The following WIPF1 variants were observed in gnomAD, a reference collection of about 807,000 sequenced individuals.
The protein encoded by WIPF1 is WAS/WASL interacting protein family member 1, also known as WAS/WASL-interacting protein family member 1.
A neutral mutation model predicts 35.4 loss-of-function variants in WIPF1; 13 were observed. The ratio of observed to expected loss-of-function variants is 0.37; its 90% confidence interval spans 0.24 to 0.58. The LOEUF is 0.58. Ranked by LOEUF, WIPF1 falls within the 20% of genes least tolerant of loss-of-function variation. The pLI is 0.74. For synonymous variants in WIPF1, 267 were observed against 266.3 expected (o/e 1.00, Z -0.02); for missense variants, 591 against 667.0 (o/e 0.89, Z 1.25).
At position 174,649,999 on chromosome 2, in the gene WIPF1, T is replaced by G. The variant is rs560664279; in HGVS notation, c.-39+32775A>C. Among the ~76,000 whole-genome samples the G allele has an allele frequency of 3.9e-5, 6 of 152,310 alleles. No individual in the cohort carries two copies. In the East Asian group the frequency reaches 1.2e-3, roughly 29 times the overall value. On this transcript the variant is annotated intron_variant, in intron 1 of 8. Coordinates refer to the WIPF1 transcript ENST00000272746. ...TAAATAAATTCTAAATCACCCTTCT[T>G]TCTGAGTAGCCCCTCCAGTGTGTCA...
At chr2:174,563,609 T>A (rs1216770657) in intron 7 of WIPF1, among the ~76,000 whole-genome samples, 1 of 152,156 alleles carries the variant, frequency 6.6e-6, no homozygotes, top group Non-Finnish European at 1.5e-5. Flanking sequence ...TCATGGGCTA[T>A]CAGTCCACTG....
Position 174,656,705 on chromosome 2 carries a change from A to G in WIPF1, c.-39+26069T>C, listed in dbSNP as rs529028342. ...ATGGCCAACCTATCCCTGCTGTTCT[A>G]TTTCCTCTTACTTGCCAGCAGAGCA... On this transcript the variant is annotated intron_variant, in intron 1 of 8. Transcript: ENST00000272746. 5.3e-5 allele frequency among the ~76,000 whole-genome samples: 8 copies of G among 152,288 alleles called. No homozygotes were observed. In the South Asian group the frequency reaches 1.0e-3, roughly 20 times the overall value.
intron 1 of WIPF1, among the ~76,000 whole-genome samples, chr2:174,592,382 T>G (rs1251411160): frequency 6.6e-6 from 1 of 152,174 alleles, no homozygotes; most frequent in African/African-American, 2.4e-5. Context: ...TAAAGCATTT[T>G]GCTCTATAAA....
chr2:174,671,229 C>G (rs149582370), intron 1 of WIPF1, among the ~76,000 whole-genome samples: 1 of 152,190 alleles, frequency 6.6e-6, no homozygotes, highest in African/African-American at 2.4e-5. Flanking sequence ...TAATTTCTTA[C>G]GCCTGTCTTT....
At chr2:174,621,903 T>A (rs1421229426) in intron 1 of WIPF1, among the ~76,000 whole-genome samples, 1 of 152,170 alleles carries the variant, frequency 6.6e-6, no homozygotes, top group African/African-American at 2.4e-5. Context: ...ATGAACTTTT[T>A]TAACCCTTGA....
At chr2:174,599,421 T>C (rs1685921721), upstream of WIPF1, among the ~76,000 whole-genome samples, 1 of 152,214 alleles carries the variant, frequency 6.6e-6, no homozygotes, top group Non-Finnish European at 1.5e-5. Context: ...GCACAGTTCC[T>C]GGAGTGGAGT....
intron 1 of WIPF1, among the ~76,000 whole-genome samples, chr2:174,667,878 C>T (rs750410125): frequency 7.9e-5 from 12 of 152,296 alleles, no homozygotes; most frequent in Middle Eastern, 6.8e-3. Context: ...CTATAAACTC[C>T]GCTAGTTTGA....
chr2:174,681,307 C>T (rs905519142), intron 1 of WIPF1, among the ~76,000 whole-genome samples: 1 of 152,124 alleles, frequency 6.6e-6, no homozygotes, highest in African/African-American at 2.4e-5. Context: ...CCTCCAGGTC[C>T]CCGAGAAACT....
chr2:174,571,899 G>A lies in WIPF1; in HGVS notation c.906C>T (p.Ala302=), dbSNP rs776988354. 1.9e-6 allele frequency: 3 copies of A among 1,611,926 alleles called. No individual in the cohort carries two copies. The Admixed American group carries it at 5.0e-5, about 27-fold the overall frequency. Reference sequence around the variant, plus strand: ...GCGGCGGAGGTGGGGCCTGTGAGGAGGCCGAAGGCCGCGGAGTGGAAGGCA... The same window carrying A: ...GCGGCGGAGGTGGGGCCTGTGAGGAAGCCGAAGGCCGCGGAGTGGAAGGCA... The part of the protein sequence containing the change: ...PPVPSTPRPS[A]SSQAPPPPPP... The change falls in exon 5 of 8, where the codon GCC becomes GCT. Residue 302 remains alanine, a synonymous_variant. Coordinates refer to ENST00000679041, the MANE Select transcript of WIPF1 (RefSeq NM_001375834.1). This position sits in a 1 kb window ranked among gnomAD's most constrained non-coding sequence, Gnocchi z 4.6.
chr2:174,621,917 TTGTGGAA>T (rs1686687934), intron 1 of WIPF1, among the ~76,000 whole-genome samples: 1 of 152,064 alleles, frequency 6.6e-6, no homozygotes, highest in South Asian at 2.1e-4. Flanking sequence ...CCCTTGAAAT[TTGTGGAA>T]TTAAATTAAA....
In WIPF1 at chr2:174,633,326, T is replaced by C. The variant is rs111669349; in HGVS notation, c.-38-47715A>G. On this transcript the variant is annotated intron_variant, in intron 1 of 8. Coordinates refer to the WIPF1 transcript ENST00000272746. Reference sequence around the variant, plus strand: ...GTCCACGAGCCCCTCACCCCTTCGTTGTTTATCATACAGACACATTTTACA... The same window carrying C: ...GTCCACGAGCCCCTCACCCCTTCGTCGTTTATCATACAGACACATTTTACA... Among the ~76,000 whole-genome samples, 1,495 of 152,298 alleles carry C rather than the reference T, an allele frequency of 9.8e-3. 25 individuals are homozygous for C. The highest frequency in any genetic ancestry group is 0.035 in the African/African-American group (1,440 of 41,536).
intron 1 of WIPF1, among the ~76,000 whole-genome samples, chr2:174,681,654 C>T (rs1332648185): frequency 3.3e-5 from 5 of 152,128 alleles, no homozygotes. Context: ...CGACGGGAGT[C>T]TGGGGCTACA....
At chr2:174,567,293 G>T in intron 6 of WIPF1, 110 bp from the exon 7 acceptor site, 1 of 1,002,912 alleles carries the variant, frequency 1.0e-6, no homozygotes, top group Non-Finnish European at 1.5e-6. Flanking sequence ...ATCAGTGCTA[G>T]TTTTTATGCC....
rs754534456 is a variant in WIPF1, at chr2:174,572,423, A to G, written c.382T>C (p.Leu128=). Residue 128 remains leucine, a synonymous_variant, in exon 5 of 8, where the codon TTG becomes CTG. Transcript: ENST00000679041. ...DNDSGGSRPP[L]LPPGGRSTSA... ...GTGGATCTTCCTCCCGGTGGCAACA[A>G]TGGTGGTCGGCTTCCTCCAGAATCT... The G allele has an allele frequency of 3.1e-6, 5 of 1,614,022 alleles. No homozygotes were observed. The highest frequency in any genetic ancestry group is 3.4e-6 in the Non-Finnish European group (4 of 1,180,022).
At position 174,679,319 on chromosome 2, in the gene WIPF1, A is replaced by G. The variant is rs1688203252; in HGVS notation, c.-39+3455T>C. On this transcript the variant is annotated intron_variant, in intron 1 of 8. Transcript: ENST00000272746. Reference sequence around the variant, plus strand: ...CACCATCTCTACTAAAAATACAAAAATTAGCCGGGCGTGGTGCACACTCCT... The same window carrying G: ...CACCATCTCTACTAAAAATACAAAAGTTAGCCGGGCGTGGTGCACACTCCT... 5.3e-5 allele frequency among the ~76,000 whole-genome samples: 8 copies of G among 152,124 alleles called. 1 individual carries two copies. The South Asian group carries it at 1.7e-3, about 32-fold the overall frequency.
At chr2:174,614,517 A>AAAAAC (rs1427012317) in intron 1 of WIPF1, among the ~76,000 whole-genome samples, 1 of 152,220 alleles carries the variant, frequency 6.6e-6, no homozygotes, top group African/African-American at 2.4e-5. Context: ...AGTGAGAAAA[A>AAAAAC]AAAACATGCC....
chr2:174,588,887 C>A (rs530421603), intron 1 of WIPF1, among the ~76,000 whole-genome samples: 1 of 152,184 alleles, frequency 6.6e-6, no homozygotes, highest in Non-Finnish European at 1.5e-5. Context: ...TCTTCCTCTG[C>A]GAACTTGTTT....
intron 1 of WIPF1, among the ~76,000 whole-genome samples, chr2:174,651,514 C>T (rs2105961902): frequency 6.6e-6 from 1 of 152,326 alleles, no homozygotes; most frequent in East Asian, 1.9e-4. Context: ...GCCTCTCACT[C>T]TGGGTCCCAG....
chr2:174,669,208 G>C (rs1311254852), intron 1 of WIPF1, among the ~76,000 whole-genome samples: 3 of 152,172 alleles, frequency 2.0e-5, no homozygotes, highest in Non-Finnish European at 4.4e-5. Context: ...AAGAAATTAG[G>C]AAACAGTACC....
Sources: allele counts gnomAD v4.1 joint callset (sites outside exome capture counted in the v4.1 genomes callset), GRCh38; gene constraint gnomAD v4.1.1; non-coding constraint Gnocchi (gnomAD v3.1); transcripts MANE v1.5; gene names NCBI Gene and HGNC (gene_info 2026-07-23, HGNC 2026-07-21).